KIF7: variants seen among roughly 807,000 people sequenced by gnomAD.
The protein encoded by KIF7 is kinesin family member 7.
A neutral mutation model predicts 135.7 loss-of-function variants in KIF7; 104 were observed. That is an observed-to-expected ratio of 0.77 (90% confidence interval 0.65 to 0.90). KIF7 has a LOEUF of 0.90. Among genes scored for constraint, KIF7 ranks in the 40% least tolerant of loss-of-function variants. The probability of loss-of-function intolerance (pLI) is 0.00; values close to 1 mark genes in which losing one functional copy is unlikely to be tolerated. For missense variants in KIF7, 2,005 were observed against 1,839.1 expected (o/e 1.09, Z -1.65); for synonymous variants, 883 against 809.4 (o/e 1.09, Z -1.54).
At chr15:89,620,209 CTTATT>C (rs779857004) in intron 1 of KIF7, among the ~76,000 whole-genome samples, 12 of 152,214 alleles carry the variant, frequency 7.9e-5, no homozygotes, top group Non-Finnish European at 1.6e-4. Flanking sequence ...ATTTGTGTTT[CTTATT>C]TTATCTTTTT....
chr15:89,649,408 C>T, intron 3 of KIF7, 41 bp from the exon 4 acceptor site: 1 of 1,443,350 alleles, frequency 6.9e-7, no homozygotes, highest in Non-Finnish European at 9.1e-7. Flanking sequence ...GCAGGGGCCG[C>T]CAGACTGACC....
At chr15:89,650,040 G>T in intron 2 of KIF7, 99 bp from the exon 3 acceptor site, 1 of 1,261,034 alleles carries the variant, frequency 7.9e-7, no homozygotes, top group Non-Finnish European at 1.1e-6. Flanking sequence ...CTGGAGGATG[G>T]TGCTCTAGGA....
chr15:89,626,585 A>AG (rs1260247326), downstream of KIF7, among the ~76,000 whole-genome samples: 1 of 152,124 alleles, frequency 6.6e-6, no homozygotes, highest in Non-Finnish European at 1.5e-5. Context: ...CTAGAATCAA[A>AG]GGGGGAGTGC....
At chr15:89,643,330 T>C (rs553267144) in intron 10 of KIF7, among the ~76,000 whole-genome samples, 1 of 152,338 alleles carries the variant, frequency 6.6e-6, no homozygotes, top group South Asian at 2.1e-4. Flanking sequence ...GTATTAGGTA[T>C]TGTAAGAAAT....
In KIF7 at chr15:89,628,411, C is replaced by A; in HGVS notation, c.*8G>T. 1 of 1,600,858 alleles carries A rather than the reference C, an allele frequency of 6.2e-7. No homozygotes were observed. Among genetic ancestry groups the A allele is most frequent in the East Asian group, 2.2e-5 (1 of 44,772 alleles). On this transcript the variant is annotated 3_prime_UTR_variant, in exon 19 of 19. Coordinates refer to ENST00000394412, the MANE Select transcript of KIF7 (RefSeq NM_198525.3). The stretch of plus-strand genomic sequence containing the variant: ...GTCTCCCTCCAAGGCAGGGTCTGCC[C>A]CGAGGGCTTACAGGGGGTTTTTCCG...
intron 11 of KIF7, among the ~76,000 whole-genome samples, chr15:89,640,198 C>T (rs1273532064): frequency 3.3e-5 from 5 of 151,760 alleles, no homozygotes; most frequent in Non-Finnish European, 5.9e-5. Context: ...TGCTAGATGA[C>T]GAGTTAGTGG....
At chr15:89,662,256 G>A in the KIF7 span, among the ~76,000 whole-genome samples, 1 of 152,018 alleles carries the variant, frequency 6.6e-6, no homozygotes, top group Non-Finnish European at 1.5e-5. Flanking sequence ...CAGCACTTTG[G>A]GAGGACAAGG....
Position 89,629,084 on chromosome 15 carries a change from A to G in KIF7, c.3556T>C (p.Tyr1186His). ...TCCAGAGCTTGAATCCGGGCCTCATACTGCCTCCTGCTGTCTGCTAACCCT... is the reference window on the plus strand; with the variant it reads ...TCCAGAGCTTGAATCCGGGCCTCATGCTGCCTCCTGCTGTCTGCTAACCCT... ...GEGLADSRRQ[Y>H]EARIQALEKE... is the part of the protein sequence containing the mutation. The change falls in exon 18 of 19, where the codon TAT becomes CAT. Residue 1186 changes from tyrosine (Y) to histidine (H), a missense_variant. Coordinates refer to ENST00000394412, the MANE Select transcript of KIF7 (RefSeq NM_198525.3). 3.7e-6 allele frequency: 6 copies of G among 1,612,852 alleles called. No individual in the cohort carries two copies. Among genetic ancestry groups the G allele is most frequent in the African/African-American group, 1.3e-5 (1 of 74,418 alleles).
At chr15:89,625,087 G>A, downstream of KIF7, 1 of 1,613,916 alleles carries the variant, frequency 6.2e-7, no homozygotes, top group East Asian at 2.2e-5. Flanking sequence ...CAGCAAGGAG[G>A]AGAGCTCTCT....
At chr15:89,633,338 A>G (rs2142001630) in intron 12 of KIF7, 72 bp from the exon 13 acceptor site, 2 of 1,531,764 alleles carry the variant, frequency 1.3e-6, no homozygotes, top group East Asian at 4.9e-5. Context: ...ACCGATCCCA[A>G]AGCCCCCAGG....
chr15:89,647,085 G>C (rs1964027753), intron 6 of KIF7, 28 bp from the exon 7 acceptor site: 5 of 1,540,506 alleles, frequency 3.2e-6, no homozygotes, highest in Non-Finnish European at 4.4e-6. Context: ...GGTGCCAAGG[G>C]GGCATGAATG....
the KIF7 span, among the ~76,000 whole-genome samples, chr15:89,662,387 T>C: frequency 6.6e-6 from 1 of 152,122 alleles, no homozygotes; most frequent in African/African-American, 2.4e-5. Context: ...ATCTCAGCTA[T>C]TCAGGAGGCT....
In KIF7 at chr15:89,648,791, G is replaced by T; in HGVS notation, c.924-17C>A. The T allele has an allele frequency of 1.3e-6, 2 of 1,527,582 alleles. No individual in the cohort carries two copies. Among genetic ancestry groups the T allele is most frequent in the Non-Finnish European group, 1.8e-6 (2 of 1,140,236 alleles). The allele number at this position is 1,527,582 out of a possible 1,614,324, so 94.6% of individuals were successfully genotyped here. On this transcript the variant is annotated splice_polypyrimidine_tract_variant and intron_variant, in intron 4 of 18. Transcript: ENST00000394412. ...TTGAGGATCCTGAGGGCGCGAGGGG[G>T]AGGCTCTCAGGGGCCCCGACGCTCC... is the stretch of plus-strand genomic sequence containing the variant.
intron 14 of KIF7, among the ~76,000 whole-genome samples, chr15:89,632,078 G>A (rs748173824): frequency 2.2e-4 from 34 of 152,236 alleles, no homozygotes; most frequent in Non-Finnish European, 3.5e-4. Flanking sequence ...AGCCAGATGC[G>A]GGAGGAAGTG....
rs146445830 is a variant in KIF7, at chr15:89,646,356, C to A, written c.1789-330G>T. ...TGGGTGAACATGAGACTTCTGCCAA[C>A]CCCCAGCTTTGAGAGCTGAGATGAC... On this transcript the variant is annotated intron_variant, in intron 7 of 18. Transcript: ENST00000394412. Among the ~76,000 whole-genome samples the A allele has an allele frequency of 1.4e-4, 22 of 152,278 alleles. 1 individual carries two copies. The South Asian group carries it at 4.6e-3, about 32-fold the overall frequency.
chr15:89,643,595 A>C (rs1963959699), intron 10 of KIF7, among the ~76,000 whole-genome samples: 1 of 152,216 alleles, frequency 6.6e-6, no homozygotes, highest in African/African-American at 2.4e-5. Flanking sequence ...TCTGGTCATT[A>C]AGAGGACTGT....
In KIF7 at chr15:89,648,757, A is replaced by G; in HGVS notation, c.941T>C (p.Leu314Pro). The G allele has an allele frequency of 6.5e-7, 1 of 1,535,258 alleles. No homozygotes were observed. Among genetic ancestry groups the G allele is most frequent in the Non-Finnish European group, 8.7e-7 (1 of 1,145,714 alleles). Reference protein sequence around the residue: ...SKITRILKDSLGGNAKTVMIA... With the variant: ...SKITRILKDSPGGNAKTVMIA... ...CATCACCGTCTTGGCGTTCCCGCCCAGCGAGTCTTTGAGGATCCTGAGGGC... is the reference window on the plus strand; with the variant it reads ...CATCACCGTCTTGGCGTTCCCGCCCGGCGAGTCTTTGAGGATCCTGAGGGC... Residue 314 changes from leucine (L) to proline (P), a missense_variant, in exon 5 of 19, where the codon CTG becomes CCG. Physicochemically the swap from Leu to Pro is moderately conservative, Grantham distance 98. Coordinates refer to ENST00000394412, the MANE Select transcript of KIF7 (RefSeq NM_198525.3).
At chr15:89,630,054 G>A (rs1055997170) in intron 16 of KIF7, 1 of 587,378 alleles carries the variant, frequency 1.7e-6, no homozygotes, top group Non-Finnish European at 3.0e-6. Context: ...TTGTGGCCAT[G>A]GACCACCCTG....
At position 89,621,951 on chromosome 15, in the gene KIF7, G is replaced by A. The variant is rs141672514; in HGVS notation, c.181-3756C>T. ...TCTCCCCAGGCATAGCCAATCAGTCGAGTCCTGCCCATTTTATTTACAAAC... is the reference window on the plus strand; with the variant it reads ...TCTCCCCAGGCATAGCCAATCAGTCAAGTCCTGCCCATTTTATTTACAAAC... On this transcript the variant is annotated intron_variant and NMD_transcript_variant, in intron 1 of 2. Coordinates refer to the KIF7 transcript ENST00000558928. 2.7e-4 allele frequency among the ~76,000 whole-genome samples: 40 copies of A among 147,554 alleles called. 1 individual carries two copies. In the East Asian group the frequency reaches 6.9e-3, roughly 26 times the overall value.
Sources: allele counts gnomAD v4.1 joint callset (sites outside exome capture counted in the v4.1 genomes callset), GRCh38; gene constraint gnomAD v4.1.1; transcripts MANE v1.5; gene names NCBI Gene and HGNC (gene_info 2026-07-23, HGNC 2026-07-21).